The following SMARCC1 variants were observed in gnomAD, a reference collection of about 807,000 sequenced individuals.
The protein encoded by SMARCC1 is SWI/SNF complex subunit SMARCC1.
In SMARCC1, 43 loss-of-function variants were observed where a neutral mutation model predicts 147.4. The observed-to-expected ratio is 0.29, with a 90% CI of 0.23 to 0.38. SMARCC1 has a LOEUF of 0.38. SMARCC1 is among the 10% of genes least tolerant of loss of function. The pLI, the probability that SMARCC1 is intolerant of heterozygous loss-of-function variation, is 1.00. For missense variants in SMARCC1, 1,119 were observed against 1,381.1 expected, an observed-to-expected ratio of 0.81 and a Z score of 3.01; for synonymous variants, 495 against 484.4, an observed-to-expected ratio of 1.02 and a Z score of -0.29.
At chr3:47,658,216 CTG>C (rs1559636869) in intron 21 of SMARCC1, among the ~76,000 whole-genome samples, 1 of 152,118 alleles carries the variant, frequency 6.6e-6, no homozygotes, top group East Asian at 1.9e-4. Context: ...TGAGAGAACA[CTG>C]TGAACTTAAA....
chr3:47,664,678 C>G (rs1424989250), intron 19 of SMARCC1, among the ~76,000 whole-genome samples: 1 of 152,140 alleles, frequency 6.6e-6, no homozygotes, highest in African/African-American at 2.4e-5. Context: ...ACCATTCTCT[C>G]CAGGACCATG....
At chr3:47,679,017 C>T (rs1437214633) in intron 15 of SMARCC1, among the ~76,000 whole-genome samples, 2 of 151,856 alleles carry the variant, frequency 1.3e-5, no homozygotes, top group Non-Finnish European at 2.9e-5. Flanking sequence ...AAAGAACATA[C>T]AAAAATGGAG....
chr3:47,670,663 G>T lies in SMARCC1; in HGVS notation c.1894C>A (p.Leu632Met). The T allele has an allele frequency of 6.4e-7, 1 of 1,560,528 alleles. No individual in the cohort carries two copies. The highest frequency in any genetic ancestry group is 8.8e-7 in the Non-Finnish European group (1 of 1,130,840). ...ATATGCATTAATCTGCTTACCTCCA[G>T]GAGTAGAAGGGTCTCCTGTTCAGTC... ...EWTEQETLLL[L>M]EALEMYKDDW... The change falls in exon 19 of 28, where the codon CTG becomes ATG. Residue 632 changes from leucine (L) to methionine (M), a missense_variant. Around this residue, in one of 6 missense-constraint regions of SMARCC1, gnomAD observed 178 missense variants for 264.6 expected, o/e 0.67. Coordinates refer to ENST00000254480, the MANE Select transcript of SMARCC1 (RefSeq NM_003074.4).
At chr3:47,627,653 ATAG>A in intron 24 of SMARCC1, among the ~76,000 whole-genome samples, 1 of 152,284 alleles carries the variant, frequency 6.6e-6, no homozygotes, top group Admixed American at 6.5e-5. Context: ...AATGGTATTT[ATAG>A]TAGGACTTCT....
intron 11 of SMARCC1, among the ~76,000 whole-genome samples, chr3:47,700,282 A>G (rs1409855621): frequency 6.6e-6 from 1 of 152,208 alleles, no homozygotes; most frequent in Non-Finnish European, 1.5e-5. Flanking sequence ...TTGGATGATT[A>G]GTATGAGACC....
intron 24 of SMARCC1, among the ~76,000 whole-genome samples, chr3:47,634,165 T>C (rs1308581206): frequency 1.3e-5 from 2 of 152,176 alleles, no homozygotes; most frequent in African/African-American, 4.8e-5. Flanking sequence ...AAGTATTACC[T>C]AGTTTTAGTT....
intron 1 of SMARCC1, 78 bp from the exon 2 acceptor site, chr3:47,773,014 C>G: frequency 2.2e-6 from 3 of 1,338,760 alleles, no homozygotes; most frequent in Non-Finnish European, 3.1e-6. Flanking sequence ...CTAGTACCTA[C>G]TAAGTACTTA....
intron 25 of SMARCC1, among the ~76,000 whole-genome samples, chr3:47,621,298 C>CAAAA (rs1183934374): frequency 1.9e-4 from 12 of 63,138 alleles, no homozygotes; most frequent in East Asian, 5.0e-4. Flanking sequence ...GACTCCGTCT[C>CAAAA]AAAAAAAAAA....
chr3:47,655,396 C>A (rs548641694), intron 21 of SMARCC1, among the ~76,000 whole-genome samples: 1 of 151,568 alleles, frequency 6.6e-6, no homozygotes, highest in African/African-American at 2.4e-5. Context: ...GAGACACTGT[C>A]TCAAAAAAAA....
intron 1 of SMARCC1, among the ~76,000 whole-genome samples, chr3:47,775,481 T>C (rs1161157902): frequency 2.1e-5 from 3 of 145,638 alleles, no homozygotes; most frequent in African/African-American, 7.5e-5. Context: ...TAATAAACGG[T>C]ATTCAAGGGC....
At position 47,756,528 on chromosome 3, in the gene SMARCC1, C is replaced by T. The variant is rs1340494212; in HGVS notation, c.316-10535G>A. 2.1e-4 allele frequency among the ~76,000 whole-genome samples: 25 copies of T among 119,442 alleles called. 1 individual carries two copies. Among genetic ancestry groups the T allele is most frequent in the East Asian group, 9.2e-4 (4 of 4,332 alleles). The allele number at this position is 119,442 out of a possible 152,430, so 78.4% of individuals were successfully genotyped here. On this transcript the variant is annotated intron_variant, in intron 2 of 27. Transcript: ENST00000254480. ...AGCCTGGGCAACAAGAGCGAAACTC[C>T]GTCTCAAAAAAAAAAAAAAAAAAAA...
At chr3:47,735,214 T>C (rs114418931) in intron 5 of SMARCC1, among the ~76,000 whole-genome samples, 2,169 of 152,066 alleles carry the variant, frequency 0.014, 55 homozygotes, top group Non-Finnish European at 0.013. Flanking sequence ...GGTTCTGTGA[T>C]ACATAATACA....
chr3:47,764,310 A>C (rs1394553114), intron 2 of SMARCC1, among the ~76,000 whole-genome samples: 1 of 152,214 alleles, frequency 6.6e-6, no homozygotes, highest in Non-Finnish European at 1.5e-5. Context: ...AGTCTGGATT[A>C]CAGGCATGAG....
At chr3:47,630,113 A>G (rs2032866989) in intron 24 of SMARCC1, among the ~76,000 whole-genome samples, 1 of 134,138 alleles carries the variant, frequency 7.5e-6, no homozygotes, top group Non-Finnish European at 1.6e-5. Flanking sequence ...TTTTGGCAGC[A>G]GGCACCAGTT....
intron 6 of SMARCC1, among the ~76,000 whole-genome samples, chr3:47,721,146 GT>G (rs1430742403): frequency 1.3e-5 from 2 of 152,108 alleles, no homozygotes; most frequent in Non-Finnish European, 2.9e-5. Flanking sequence ...CTTTCAAGAT[GT>G]AAACCGTACT....
At chr3:47,673,538 A>T (rs778872583) in intron 18 of SMARCC1, among the ~76,000 whole-genome samples, 14 of 151,814 alleles carry the variant, frequency 9.2e-5, no homozygotes, top group Non-Finnish European at 1.9e-4. Flanking sequence ...AAAATACAAA[A>T]ATTAGCCAGG....
chr3:47,774,293 G>A (rs570400048), intron 1 of SMARCC1, among the ~76,000 whole-genome samples: 38 of 145,548 alleles, frequency 2.6e-4, no homozygotes, highest in African/African-American at 3.3e-4. Flanking sequence ...CTGAAATGAC[G>A]AAACCCCGTC....
chr3:47,662,478 C>G lies in SMARCC1; in HGVS notation c.2014G>C (p.Glu672Gln). Reference protein sequence around the residue: ...LRLPIEDPYLENSDASLGPLA... With the variant: ...LRLPIEDPYLQNSDASLGPLA... ...GGCCCAAGGGAAGCATCTGAATTCT[C>G]AAGGTATGGGTCCTCAATGGGAAGT... The change falls in exon 20 of 28, where the codon GAG becomes CAG. Residue 672 changes from glutamate to glutamine, a missense_variant. This residue lies in a region of SMARCC1 where 178 missense variants were observed against 264.6 expected (regional missense o/e 0.67). Transcript: ENST00000254480. 1 of 1,614,130 alleles carries G rather than the reference C, an allele frequency of 6.2e-7. No homozygotes were observed. The highest frequency in any genetic ancestry group is 8.5e-7 in the Non-Finnish European group (1 of 1,180,012).
intron 2 of SMARCC1, among the ~76,000 whole-genome samples, chr3:47,750,005 C>T (rs1371176310): frequency 6.6e-6 from 1 of 151,550 alleles, no homozygotes; most frequent in Non-Finnish European, 1.5e-5. Context: ...TAGCATGAAC[C>T]CGGGACATGG....
Sources: allele counts gnomAD v4.1 joint callset (sites outside exome capture counted in the v4.1 genomes callset), GRCh38; gene constraint gnomAD v4.1.1; regional missense constraint gnomAD v4.1.1; transcripts MANE v1.5; gene names NCBI Gene and HGNC (gene_info 2026-07-23, HGNC 2026-07-21).